The following AVL9 variants were observed in gnomAD, a reference collection of about 807,000 sequenced individuals.
AVL9 encodes the protein late secretory pathway protein AVL9 homolog.
A neutral mutation model predicts 79.2 loss-of-function variants in AVL9; 49 were observed. The observed-to-expected ratio is 0.62, with a 90% CI of 0.49 to 0.79. AVL9 has a LOEUF of 0.79. Ranked by LOEUF, AVL9 falls within the 30% of genes least tolerant of loss-of-function variation. The pLI is 0.00. For synonymous variants in AVL9, 299 were observed against 280.6 expected, an observed-to-expected ratio of 1.07 and a Z score of -0.65; for missense variants, 682 against 776.8, an observed-to-expected ratio of 0.88 and a Z score of 1.45.
At position 32,588,580 on chromosome 7, in the gene AVL9, A is replaced by G. The variant is rs1791895675; in HGVS notation, c.*4673A>G. ...CTCTGGTAGTTTTAAAGTTTGTACTAGTTCTTTATTTCTGTTGTTTTTTTA... is the reference window on the plus strand; with the variant it reads ...CTCTGGTAGTTTTAAAGTTTGTACTGGTTCTTTATTTCTGTTGTTTTTTTA... On this transcript the variant is annotated 3_prime_UTR_variant, in exon 16 of 16. Transcript: ENST00000318709. 6.6e-6 allele frequency: 1 copy of G among 152,210 alleles called. No homozygotes were observed. Among genetic ancestry groups the G allele is most frequent in the East Asian group, 1.9e-4 (1 of 5,194 alleles). 9.4% of individuals were successfully genotyped at this position (152,210 alleles called of 1,614,324 possible).
intron 1 of AVL9, among the ~76,000 whole-genome samples, chr7:32,524,207 C>T (rs1412404265): frequency 1.3e-5 from 2 of 151,980 alleles, no homozygotes; most frequent in East Asian, 3.9e-4. Context: ...GACTCCTTTA[C>T]CTGTCTTATG....
intron 1 of AVL9, among the ~76,000 whole-genome samples, chr7:32,519,396 C>T (rs893534026): frequency 2.0e-5 from 3 of 151,404 alleles, no homozygotes; most frequent in Non-Finnish European, 4.4e-5. Flanking sequence ...CCACTGCACT[C>T]CAGCTTGGGC....
At position 32,495,724 on chromosome 7, in the gene AVL9, G is replaced by A; in HGVS notation, c.15G>A (p.Arg5=). The part of the protein sequence containing the change: MEKA[R]RGGDGVPRGP... ...GGCGGCCGCCCATGGAGAAGGCCAG[G>A]AGAGGCGGGGATGGCGTCCCCCGGG... Residue 5 remains arginine (R), a synonymous_variant, in exon 1 of 16, where the codon AGG becomes AGA. Coordinates refer to ENST00000318709, the MANE Select transcript of AVL9 (RefSeq NM_015060.3). The A allele has an allele frequency of 7.9e-7, 1 of 1,261,450 alleles. No individual in the cohort carries two copies. Among genetic ancestry groups the A allele is most frequent in the Non-Finnish European group, 1.0e-6 (1 of 993,192 alleles). The allele number at this position is 1,261,450 out of a possible 1,614,324, so 78.1% of individuals were successfully genotyped here.
chr7:32,517,377 C>T (rs1436811301), intron 1 of AVL9, among the ~76,000 whole-genome samples: 2 of 151,472 alleles, frequency 1.3e-5, no homozygotes, highest in African/African-American at 2.4e-5. Flanking sequence ...ATGATCTCAG[C>T]TCACTGCAAA....
Position 32,559,344 on chromosome 7 carries a change from A to T in AVL9, c.1095A>T (p.Ser365=). 2 of 1,614,196 alleles carry T rather than the reference A, an allele frequency of 1.2e-6. No homozygotes were observed. Among genetic ancestry groups the T allele is most frequent in the South Asian group, 2.2e-5 (2 of 91,084 alleles). ...TNLFPKDSVP[S]ESLPITVQPQ... is the part of the protein sequence containing the mutation. ...TGTTTCCAAAGGACTCTGTCCCCTC[A>T]GAGAGTCTTCCAATTACTGTACAAC... Residue 365 remains serine, a synonymous_variant, in exon 10 of 16, where the codon TCA becomes TCT. Coordinates refer to ENST00000318709, the MANE Select transcript of AVL9 (RefSeq NM_015060.3).
intron 4 of AVL9, among the ~76,000 whole-genome samples, chr7:32,550,660 A>C (rs1238545091): frequency 1.3e-5 from 2 of 152,224 alleles, no homozygotes; most frequent in East Asian, 3.8e-4. Context: ...GAACATTACA[A>C]ATAAAAAGAT....
chr7:32,571,424 A>G (rs1227779674), intron 11 of AVL9, among the ~76,000 whole-genome samples: 2 of 151,844 alleles, frequency 1.3e-5, no homozygotes, highest in Non-Finnish European at 2.9e-5. Context: ...GCTACTTGGG[A>G]GGCTGAGGCA....
chr7:32,517,071 A>C (rs1376335204), intron 1 of AVL9, among the ~76,000 whole-genome samples: 1 of 152,152 alleles, frequency 6.6e-6, no homozygotes, highest in Non-Finnish European at 1.5e-5. Context: ...TGTTATTGTT[A>C]ATTGTTTTTG....
Position 32,580,398 on chromosome 7 carries a change from T to C in AVL9, c.1742+126T>C, listed in dbSNP as rs1195604195. 4.2e-6 allele frequency: 3 copies of C among 719,284 alleles called. No individual in the cohort carries two copies. In the East Asian group the frequency reaches 8.0e-5, roughly 19 times the overall value. 44.6% of individuals were successfully genotyped at this position (719,284 alleles called of 1,614,324 possible). ...ATGCTTCAAATAGTAACCAAATATG[T>C]GCATAACATTCTTTAGCTCAGCAGT... On this transcript the variant is annotated intron_variant, in intron 14 of 15. Coordinates refer to ENST00000318709, the MANE Select transcript of AVL9 (RefSeq NM_015060.3).
chr7:32,558,864 A>G (rs1158506625), intron 9 of AVL9, 65 bp from the exon 10 acceptor site: 1 of 1,389,708 alleles, frequency 7.2e-7, no homozygotes, highest in East Asian at 2.3e-5. Context: ...GTCTACTAAT[A>G]TATAGCTCTC....
At chr7:32,527,420 G>A (rs572979712) in intron 1 of AVL9, among the ~76,000 whole-genome samples, 2 of 152,296 alleles carry the variant, frequency 1.3e-5, no homozygotes, top group Non-Finnish European at 2.9e-5. Context: ...CAATGCTTAT[G>A]TTTTGTATAG....
chr7:32,530,895 G>C (rs539366726), intron 1 of AVL9, among the ~76,000 whole-genome samples: 12 of 152,284 alleles, frequency 7.9e-5, no homozygotes, highest in East Asian at 3.9e-4. Context: ...GGCGGAGGTT[G>C]CAATGAGCCA....
chr7:32,577,728 A>T (rs914806879), intron 13 of AVL9, among the ~76,000 whole-genome samples: 2 of 152,204 alleles, frequency 1.3e-5, no homozygotes, highest in African/African-American at 4.8e-5. Context: ...CTTAGCTGAA[A>T]TGAGTTTTAA....
chr7:32,495,847 C>T, intron 1 of AVL9, 45 bp downstream of exon 1: 1 of 1,229,290 alleles, frequency 8.1e-7, no homozygotes, highest in South Asian at 3.7e-5. Context: ...CGGGCGTTCG[C>T]CCCTTCCGGG....
intron 1 of AVL9, among the ~76,000 whole-genome samples, chr7:32,498,657 C>G (rs1367401550): frequency 6.9e-6 from 1 of 144,266 alleles, no homozygotes; most frequent in Admixed American, 7.0e-5. Context: ...GTAAATTCTT[C>G]TGTAGATAGC....
chr7:32,510,990 G>A (rs1413056283), intron 1 of AVL9, among the ~76,000 whole-genome samples: 2 of 141,664 alleles, frequency 1.4e-5, no homozygotes, highest in Non-Finnish European at 3.1e-5. Context: ...TGGCACTTCT[G>A]AACTGCCCCG....
chr7:32,521,307 TC>T (rs1257524431), intron 1 of AVL9, among the ~76,000 whole-genome samples: 1 of 152,188 alleles, frequency 6.6e-6, no homozygotes, highest in Non-Finnish European at 1.5e-5. Flanking sequence ...GTTTGGAACT[TC>T]CTAGAGACTT....
chr7:32,551,262 T>C, intron 4 of AVL9, 72 bp from the exon 5 acceptor site: 1 of 979,888 alleles, frequency 1.0e-6, no homozygotes, highest in African/African-American at 1.6e-5. Flanking sequence ...CTGTTTGTTT[T>C]ACTATTATCA....
intron 3 of AVL9, among the ~76,000 whole-genome samples, chr7:32,548,151 C>CTTTTGTTTTCTTTTTGTTTTTTTTT (rs71559236): frequency 3.0e-5 from 4 of 131,598 alleles, no homozygotes; most frequent in Non-Finnish European, 6.3e-5. Context: ...TCTCTTTTTT[C>CTTTTGTTTTCTTTTTGTTTTTTTTT]TTTTTTTTTT....
Sources: gnomAD v4.1 joint callset for allele counts (sites outside exome capture counted in the v4.1 genomes callset) on GRCh38, gnomAD v4.1.1 for gene constraint, MANE v1.5 for transcripts, NCBI Gene and HGNC (gene_info 2026-07-23, HGNC 2026-07-21) for gene names.